CHN2: variants seen among roughly 807,000 people sequenced by gnomAD.
The protein encoded by CHN2 is chimerin 2.
CHN2 carries 35 observed loss-of-function variants against 56.3 expected under a neutral mutation model. That is an observed-to-expected ratio of 0.62 (90% CI 0.47 to 0.82). The LOEUF is 0.82. Among genes scored for constraint, CHN2 ranks in the 40% least tolerant of loss-of-function variants. The probability of loss-of-function intolerance (pLI) is 0.00; values close to 1 mark genes in which losing one functional copy is unlikely to be tolerated. For missense variants in CHN2, 491 were observed against 580.5 expected, an observed-to-expected ratio of 0.85 and a Z score of 1.58; for synonymous variants, 210 against 212.8, an observed-to-expected ratio of 0.99 and a Z score of 0.12.
intron 1 of CHN2, among the ~76,000 whole-genome samples, chr7:29,272,283 A>G (rs1012714364): frequency 3.3e-5 from 5 of 152,116 alleles, no homozygotes; most frequent in East Asian, 1.9e-4. Flanking sequence ...AAGTGCATCT[A>G]TCTTCATTGA....
intron 1 of CHN2, among the ~76,000 whole-genome samples, chr7:29,259,051 T>G (rs115516315): frequency 0.036 from 5,302 of 147,314 alleles, 310 homozygotes; most frequent in African/African-American, 0.12. Flanking sequence ...GAATGGGCCA[T>G]GTTCAGTGGC....
At chr7:29,275,634 G>T (rs1323282689) in intron 1 of CHN2, among the ~76,000 whole-genome samples, 1 of 152,092 alleles carries the variant, frequency 6.6e-6, no homozygotes, top group Non-Finnish European at 1.5e-5. Flanking sequence ...TGTAATATAC[G>T]GTCTCACTTC....
At chr7:29,185,115 G>C (rs541861423) in intron 2 of CHN2, among the ~76,000 whole-genome samples, 1 of 152,296 alleles carries the variant, frequency 6.6e-6, no homozygotes, top group East Asian at 1.9e-4. Context: ...TAGCTGTGGT[G>C]TGAAGTATTT....
intron 6 of CHN2, among the ~76,000 whole-genome samples, chr7:29,425,691 AAGG>A (rs2128109075): frequency 6.6e-6 from 1 of 152,210 alleles, no homozygotes. Context: ...ATCATATTGT[AAGG>A]AGGCTATGAT....
At chr7:29,231,383 G>A (rs1235523845) in intron 1 of CHN2, among the ~76,000 whole-genome samples, 1 of 152,136 alleles carries the variant, frequency 6.6e-6, no homozygotes, top group Non-Finnish European at 1.5e-5. Context: ...GGAGGAGGAT[G>A]TTCAATGGCA....
intron 6 of CHN2, among the ~76,000 whole-genome samples, chr7:29,471,100 C>G (rs1054744451): frequency 2.0e-5 from 3 of 152,184 alleles, no homozygotes; most frequent in African/African-American, 7.2e-5. Flanking sequence ...GTTCCATTCT[C>G]TCAAGAATAA....
At chr7:29,210,450 A>C (rs1331637534) in intron 1 of CHN2, among the ~76,000 whole-genome samples, 1 of 151,772 alleles carries the variant, frequency 6.6e-6, no homozygotes, top group Non-Finnish European at 1.5e-5. Flanking sequence ...CCGTGCACAC[A>C]CCAATACTTC....
At chr7:29,378,429 C>A (rs1800235450) in intron 3 of CHN2, among the ~76,000 whole-genome samples, 1 of 152,184 alleles carries the variant, frequency 6.6e-6, no homozygotes, top group African/African-American at 2.4e-5. Flanking sequence ...GACTCTCATG[C>A]TTTTTCGTCT....
chr7:29,336,255 A>G (rs1029700006), intron 1 of CHN2: 13 of 152,264 alleles, frequency 8.5e-5, no homozygotes, highest in Admixed American at 2.6e-4. Context: ...ACAGGTACTG[A>G]AAGACGGCTT....
chr7:29,178,297 GTC>G (rs1195782407), intron 2 of CHN2, among the ~76,000 whole-genome samples: 1 of 152,138 alleles, frequency 6.6e-6, no homozygotes, highest in East Asian at 1.9e-4. Flanking sequence ...TTCCCATTGT[GTC>G]TAGAAATAAA....
intron 2 of CHN2, among the ~76,000 whole-genome samples, chr7:29,165,005 T>C (rs1262425485): frequency 1.3e-5 from 2 of 152,144 alleles, no homozygotes; most frequent in Non-Finnish European, 2.9e-5. Flanking sequence ...TCTACAACTT[T>C]ATTCTTTTTC....
intron 1 of CHN2, among the ~76,000 whole-genome samples, chr7:29,296,933 A>G (rs543731078): frequency 1.8e-4 from 27 of 152,266 alleles, no homozygotes; most frequent in African/African-American, 6.5e-4. Context: ...GGAGATTTGC[A>G]TTTGGGAGCT....
At chr7:29,278,760 G>A (rs759158576) in intron 1 of CHN2, among the ~76,000 whole-genome samples, 5 of 152,272 alleles carry the variant, frequency 3.3e-5, no homozygotes, top group South Asian at 2.1e-4. Context: ...GCCATGAACC[G>A]CCACCTGTTT....
chr7:29,298,280 A>G (rs1051874124), intron 1 of CHN2, among the ~76,000 whole-genome samples: 1 of 152,044 alleles, frequency 6.6e-6, no homozygotes, highest in Non-Finnish European at 1.5e-5. Context: ...GTGCTCTGTT[A>G]ACCTAGGTTA....
intron 2 of CHN2, among the ~76,000 whole-genome samples, chr7:29,151,679 T>C (rs1318540505): frequency 1.3e-5 from 2 of 152,220 alleles, no homozygotes; most frequent in African/African-American, 4.8e-5. Context: ...AGTATCTGAT[T>C]AAGGGCATGG....
chr7:29,359,187 A>T (rs1473632070), intron 2 of CHN2, among the ~76,000 whole-genome samples: 1 of 152,100 alleles, frequency 6.6e-6, no homozygotes, highest in East Asian at 1.9e-4. Context: ...ACCAATCAGG[A>T]CTCACTACTG....
At chr7:29,426,891 C>T (rs1388520739) in intron 6 of CHN2, among the ~76,000 whole-genome samples, 1 of 152,214 alleles carries the variant, frequency 6.6e-6, no homozygotes, top group East Asian at 1.9e-4. Context: ...CTCCCGGTGG[C>T]TCCCATCTTC....
chr7:29,437,665 C>A (rs2128121024), intron 6 of CHN2, among the ~76,000 whole-genome samples: 1 of 151,394 alleles, frequency 6.6e-6, no homozygotes, highest in African/African-American at 2.4e-5. Flanking sequence ...AAAGCAGCTT[C>A]TTCCTGCTAA....
At chr7:29,209,800 G>A (rs1668324190) in intron 1 of CHN2, among the ~76,000 whole-genome samples, 1 of 152,148 alleles carries the variant, frequency 6.6e-6, no homozygotes, top group South Asian at 2.1e-4. Context: ...AAACGGTCAA[G>A]TCCAGTGGAA....
Sources: gnomAD v4.1 joint callset for allele counts (sites outside exome capture counted in the v4.1 genomes callset) on GRCh38, gnomAD v4.1.1 for gene constraint, MANE v1.5 for transcripts, NCBI Gene and HGNC (gene_info 2026-07-23, HGNC 2026-07-21) for gene names.